Variants in PRRG4 observed in about 807,000 individuals in gnomAD.
The protein encoded by PRRG4 is proline rich and Gla domain 4, also known as transmembrane gamma-carboxyglutamic acid protein 4.
A neutral mutation model predicts 20.0 loss-of-function variants in PRRG4; 12 were observed. The ratio of observed to expected loss-of-function variants is 0.60; its 90% CI spans 0.38 to 0.97. The LOEUF (loss-of-function observed/expected upper bound fraction) is 0.97. Ranked by LOEUF, PRRG4 falls within the 50% of genes least tolerant of loss-of-function variation. PRRG4 has a pLI of 0.00. For synonymous variants in PRRG4, 94 were observed against 96.4 expected (o/e 0.98, Z 0.15); for missense variants, 199 against 265.1 (o/e 0.75, Z 1.73).
intron 2 of PRRG4, among the ~76,000 whole-genome samples, chr11:32,835,832 G>A (rs1851014797): frequency 6.6e-6 from 1 of 152,208 alleles, no homozygotes; most frequent in East Asian, 1.9e-4. Flanking sequence ...GGCCAGGCAC[G>A]GTGGCTTACA....
chr11:32,850,349 G>T (rs1030366053), intron 5 of PRRG4, among the ~76,000 whole-genome samples: 1 of 152,150 alleles, frequency 6.6e-6, no homozygotes. Context: ...AGCAGAATTC[G>T]AGTGCAGGAA....
Position 32,853,816 on chromosome 11 carries a change from A to G in PRRG4, c.*289A>G, listed in dbSNP as rs1162765505. On this transcript the variant is annotated 3_prime_UTR_variant, in exon 6 of 6. Coordinates refer to ENST00000257836, the MANE Select transcript of PRRG4 (RefSeq NM_024081.6). ...GCATTCCAGCCTGGGCGACAGAGCA[A>G]GACTCCATCTCAAAAATAAAATAAA... The G allele has an allele frequency of 8.9e-6, 2 of 225,742 alleles. No individual in the cohort carries two copies. Among genetic ancestry groups the G allele is most frequent in the African/African-American group, 4.5e-5 (2 of 44,242 alleles). 14.0% of individuals were successfully genotyped at this position (225,742 alleles called of 1,614,324 possible).
rs1366558281 is a variant in PRRG4, at chr11:32,858,039, A to G, written c.*4512A>G. On this transcript the variant is annotated 3_prime_UTR_variant, in exon 6 of 6. Transcript: ENST00000257836. ...CATTTTCTAAATTCATATTTTTCCTAAAACTTTACTATGTTTTTATTTTAA... is the reference window on the plus strand; with the variant it reads ...CATTTTCTAAATTCATATTTTTCCTGAAACTTTACTATGTTTTTATTTTAA... 6.6e-6 allele frequency: 1 copy of G among 152,138 alleles called. No individual in the cohort carries two copies. The highest frequency in any genetic ancestry group is 1.5e-5 in the Non-Finnish European group (1 of 68,006). 9.4% of individuals were successfully genotyped at this position (152,138 alleles called of 1,614,324 possible).
At chr11:32,844,547 CT>C (rs1413057160) in intron 5 of PRRG4, among the ~76,000 whole-genome samples, 1 of 151,184 alleles carries the variant, frequency 6.6e-6, no homozygotes, top group East Asian at 1.9e-4. Flanking sequence ...GTTACCCAGG[CT>C]GGAGTACAGT....
Position 32,838,922 on chromosome 11 carries a change from C to CA in PRRG4, c.312dup (p.Ser105IlefsTer38). ...GAATATTCAGCTAAAGGACCAACCA[C>CA]AAAATCAGGTAAAACAAGAATTGAT... On this transcript the variant is annotated frameshift_variant, in exon 4 of 6. Coordinates refer to ENST00000257836, the MANE Select transcript of PRRG4 (RefSeq NM_024081.6). LOFTEE classifies it high-confidence loss of function. 1 of 1,608,008 alleles carries CA rather than the reference C, an allele frequency of 6.2e-7. No individual in the cohort carries two copies. Among genetic ancestry groups the CA allele is most frequent in the Non-Finnish European group, 8.5e-7 (1 of 1,174,590 alleles).
chr11:32,851,318 A>T (rs1013643813), intron 5 of PRRG4, among the ~76,000 whole-genome samples: 11 of 152,186 alleles, frequency 7.2e-5, no homozygotes, highest in Non-Finnish European at 1.6e-4. Context: ...ACATGTAAAA[A>T]TTTATTTATT....
intron 5 of PRRG4, among the ~76,000 whole-genome samples, chr11:32,850,148 T>A (rs1445647098): frequency 6.6e-6 from 1 of 152,246 alleles, no homozygotes; most frequent in Non-Finnish European, 1.5e-5. Flanking sequence ...AGTTCACGTA[T>A]GTCCTCATAT....
Position 32,830,588 on chromosome 11 carries a change from A to G in PRRG4, c.59A>G (p.His20Arg), listed in dbSNP as rs1264822267. ...QLPTVTLGFP[H>R]CARGPKASKH... ...CCCACAGTTACCCTGGGGTTTCCTC[A>G]TTGCGCAAGAGGTCCAAAGGCTTCT... Residue 20 changes from histidine to arginine, a missense_variant, in exon 2 of 6, where the codon CAT (histidine) becomes CGT (arginine). Coordinates refer to ENST00000257836, the MANE Select transcript of PRRG4 (RefSeq NM_024081.6). 4 of 1,611,972 alleles carry G rather than the reference A, an allele frequency of 2.5e-6. No homozygotes were observed. In the South Asian group the frequency reaches 3.3e-5, roughly 13 times the overall value.
chr11:32,848,479 A>T (rs1019516564), intron 5 of PRRG4, among the ~76,000 whole-genome samples: 1 of 152,248 alleles, frequency 6.6e-6, no homozygotes, highest in South Asian at 2.1e-4. Context: ...GGAAATAGAT[A>T]ATGGAAATAG....
At chr11:32,845,983 C>A (rs188370573) in intron 5 of PRRG4, among the ~76,000 whole-genome samples, 129 of 152,034 alleles carry the variant, frequency 8.5e-4, no homozygotes, top group African/African-American at 3.0e-3. Flanking sequence ...GATAAAACCC[C>A]ATCTCTACTA....
At chr11:32,836,927 T>G in intron 3 of PRRG4, 106 bp downstream of exon 3, 1 of 853,624 alleles carries the variant, frequency 1.2e-6, no homozygotes, top group South Asian at 1.9e-5. Context: ...ATCAGGATTA[T>G]GTACCTGCTA....
rs997336169 is a variant in PRRG4, at chr11:32,840,930, T to C, written c.449+691T>C. 3.9e-5 allele frequency among the ~76,000 whole-genome samples: 6 copies of C among 152,206 alleles called. No individual in the cohort carries two copies. The highest frequency in any genetic ancestry group is 7.2e-5 in the African/African-American group (3 of 41,450). On this transcript the variant is annotated intron_variant, in intron 5 of 5. Coordinates refer to ENST00000257836, the MANE Select transcript of PRRG4 (RefSeq NM_024081.6). The surrounding 1 kb of genome is among the most constrained non-coding windows in gnomAD (Gnocchi z 4.1). ...TAAAATGCTTACCAATTGAGGATAATAGCACATTGATAAAGCTTCAGAAAG... is the reference window on the plus strand; with the variant it reads ...TAAAATGCTTACCAATTGAGGATAACAGCACATTGATAAAGCTTCAGAAAG...
In PRRG4 at chr11:32,830,590, T is replaced by G. The variant is rs1483425149; in HGVS notation, c.61T>G (p.Cys21Gly). The G allele has an allele frequency of 1.2e-6, 2 of 1,612,768 alleles. No individual in the cohort carries two copies. The highest frequency in any genetic ancestry group is 4.5e-5 in the East Asian group (2 of 44,868). Reference sequence around the variant, plus strand: ...CACAGTTACCCTGGGGTTTCCTCATTGCGCAAGAGGTCCAAAGGCTTCTAA... The same window carrying G: ...CACAGTTACCCTGGGGTTTCCTCATGGCGCAAGAGGTCCAAAGGCTTCTAA... ...LPTVTLGFPH[C>G]ARGPKASKHA... The change falls in exon 2 of 6, where the codon TGC becomes GGC. Residue 21 changes from cysteine to glycine, a missense_variant. Cys to Gly is a radical substitution (Grantham distance 159). Transcript: ENST00000257836.
At position 32,840,042 on chromosome 11, in the gene PRRG4, T is replaced by C; in HGVS notation, c.317-65T>C. 1 of 1,210,792 alleles carries C rather than the reference T, an allele frequency of 8.3e-7. No homozygotes were observed. The allele number at this position is 1,210,792 out of a possible 1,614,324, so 75.0% of individuals were successfully genotyped here. A position where few individuals can be genotyped will look rare whatever the true frequency, so the allele number is the denominator to read the frequency against. On this transcript the variant is annotated intron_variant, in intron 4 of 5. Coordinates refer to ENST00000257836, the MANE Select transcript of PRRG4 (RefSeq NM_024081.6). This position sits in a 1 kb window ranked among gnomAD's most constrained non-coding sequence, Gnocchi z 4.1. ...ATGTGTTTAGAACCAGGATTAAATT[T>C]GTTGAAATCATAGGTGATGCTATAT... is the stretch of plus-strand genomic sequence containing the variant.
Position 32,830,018 on chromosome 11 carries a change from T to C in PRRG4, c.-178T>C. 1 of 985,794 alleles carries C rather than the reference T, an allele frequency of 1.0e-6. No homozygotes were observed. Among genetic ancestry groups the C allele is most frequent in the Non-Finnish European group, 1.2e-6 (1 of 830,204 alleles). 61.1% of individuals were successfully genotyped at this position (985,794 alleles called of 1,614,324 possible). On this transcript the variant is annotated 5_prime_UTR_variant, in exon 1 of 6. Transcript: ENST00000257836. The stretch of plus-strand genomic sequence containing the variant: ...TGCGAACCCCAGGCCCTTCCCAGGT[T>C]TGCGCGCGGGGGCCATCCAGACCCT...
intron 2 of PRRG4, 107 bp from the exon 3 acceptor site, chr11:32,836,551 T>C: frequency 1.9e-6 from 1 of 524,894 alleles, no homozygotes; most frequent in Admixed American, 3.8e-5. Context: ...AAAAGTTTGG[T>C]ATAATTTAGC....
rs372321215 is a variant in PRRG4 at position 32,857,152 on chromosome 11, C to CT, written c.*3641dup. The CT allele has an allele frequency of 0.28, 36,923 of 132,104 alleles. 5,141 individuals carry two copies. The highest frequency in any genetic ancestry group is 0.54 in the East Asian group (2,392 of 4,454). The allele number at this position is 132,104 out of a possible 1,614,324, so 8.2% of individuals were successfully genotyped here. On this transcript the variant is annotated 3_prime_UTR_variant, in exon 6 of 6. Transcript: ENST00000257836. ...GGACTGCTGTGTCAAAGTTTTGCAT[C>CT]TTTTTTTTTTTTTTTTCCAGAAGGA...
Position 32,830,191 on chromosome 11 carries a change from AG to A in PRRG4, c.-23+20del. 2 of 1,057,470 alleles carry A rather than the reference AG, an allele frequency of 1.9e-6. No individual in the cohort carries two copies. Among genetic ancestry groups the A allele is most frequent in the Non-Finnish European group, 2.3e-6 (2 of 877,178 alleles). 65.5% of individuals were successfully genotyped at this position (1,057,470 alleles called of 1,614,324 possible). On this transcript the variant is annotated intron_variant, in intron 1 of 5. Coordinates refer to ENST00000257836, the MANE Select transcript of PRRG4 (RefSeq NM_024081.6). ...GGACACAGGTACGAGGCCTGGCGGC[AG>A]GACCTCGGCGGGGAGGGGGTTACCT...
At chr11:32,833,859 A>G (rs1484893767) in intron 2 of PRRG4, among the ~76,000 whole-genome samples, 1 of 144,882 alleles carries the variant, frequency 6.9e-6, no homozygotes, top group Non-Finnish European at 1.5e-5. Flanking sequence ...GATGAGTACT[A>G]TGGAGAAAGG....
Sources: allele counts gnomAD v4.1 joint callset (sites outside exome capture counted in the v4.1 genomes callset), GRCh38; gene constraint gnomAD v4.1.1; non-coding constraint Gnocchi (gnomAD v3.1); transcripts MANE v1.5; gene names NCBI Gene and HGNC (gene_info 2026-07-23, HGNC 2026-07-21).